Variants in PTH1R observed in about 807,000 individuals in gnomAD.
The protein encoded by PTH1R is parathyroid hormone 1 receptor.
PTH1R carries 32 observed loss-of-function variants against 70.7 expected under a neutral mutation model. The ratio of observed to expected loss-of-function variants is 0.45; its 90% CI spans 0.34 to 0.61. The LOEUF (loss-of-function observed/expected upper bound fraction) is 0.61, where lower values mean the gene tolerates loss of function less well. Ranked by LOEUF, PTH1R falls within the 20% of genes least tolerant of loss-of-function variation. PTH1R has a pLI of 0.01. For synonymous variants in PTH1R, 329 were observed against 324.8 expected (o/e 1.01, Z -0.14); for missense variants, 626 against 792.5 (o/e 0.79, Z 2.52).
Position 46,899,425 on chromosome 3 carries a change from G to T in PTH1R, c.957G>T (p.Lys319Asn), listed in dbSNP as rs749033715. 1 of 1,613,332 alleles carries T rather than the reference G, an allele frequency of 6.2e-7. No individual in the cohort carries two copies. The highest frequency in any genetic ancestry group is 2.2e-5 in the East Asian group (1 of 44,880). Residue 319 changes from lysine (K) to asparagine (N), a missense_variant, in exon 10 of 16, where the codon AAG (lysine) becomes AAT (asparagine). Transcript: ENST00000449590. Reference sequence around the variant, plus strand: ...TCATGGCCTTCTTCTCAGAGAAGAAGTACCTGTGGGGCTTCACAGTCTTCG... The same window carrying T: ...TCATGGCCTTCTTCTCAGAGAAGAATTACCTGTGGGGCTTCACAGTCTTCG... ...LIFMAFFSEK[K>N]YLWGFTVFGW...
At chr3:46,898,615 C>T in intron 8 of PTH1R, 47 bp from the exon 9 acceptor site, 1 of 1,607,454 alleles carries the variant, frequency 6.2e-7, no homozygotes, top group Non-Finnish European at 8.5e-7. Flanking sequence ...GTCCACCCAC[C>T]GCGCGTCCCC....
rs2031905719 is a variant in PTH1R at position 46,898,545 on chromosome 3, C to T, written c.638+73C>T. ...GGTGGCCGAGGTCTGATGCGACCCC[C>T]TCCCTGCACCCATCACCCCCGGCGG... is the stretch of plus-strand genomic sequence containing the variant. On this transcript the variant is annotated intron_variant, in intron 8 of 15. Transcript: ENST00000449590. The T allele has an allele frequency of 4.4e-6, 7 of 1,598,606 alleles. No individual in the cohort carries two copies. The Admixed American group carries it at 8.4e-5, about 19-fold the overall frequency.
At chr3:46,880,191 C>T (rs1425182917) in intron 1 of PTH1R, 1 of 152,236 alleles carries the variant, frequency 6.6e-6, no homozygotes, top group Non-Finnish European at 1.5e-5. Flanking sequence ...ACCTCCCTCC[C>T]CAGTAACGGA....
rs557829372 is a variant in PTH1R at position 46,902,855 on chromosome 3, C to G, written c.1395+65C>G. 6.3e-7 allele frequency: 1 copy of G among 1,587,444 alleles called. No homozygotes were observed. Among genetic ancestry groups the G allele is most frequent in the African/African-American group, 1.3e-5 (1 of 74,408 alleles). On this transcript the variant is annotated intron_variant, in intron 15 of 15. Transcript: ENST00000449590. The surrounding 1 kb of genome is among the most constrained non-coding windows in gnomAD (Gnocchi z 5.4). The stretch of plus-strand genomic sequence containing the variant: ...AGATACCCCAGAGGCTTCCTCAAGG[C>G]TCATTTCTCCATTCTTCCACCCTGT...
chr3:46,901,229 C>T lies in PTH1R; in HGVS notation c.1049+144C>T. The T allele has an allele frequency of 7.7e-7, 1 of 1,303,490 alleles. No individual in the cohort carries two copies. The highest frequency in any genetic ancestry group is 1.1e-6 in the Non-Finnish European group (1 of 927,412). The allele number at this position is 1,303,490 out of a possible 1,614,324, so 80.7% of individuals were successfully genotyped here. A position where few individuals can be genotyped will look rare whatever the true frequency, so the allele number is the denominator to read the frequency against. On this transcript the variant is annotated intron_variant, in intron 11 of 15. Transcript: ENST00000449590. The surrounding 1 kb of genome is among the most constrained non-coding windows in gnomAD (Gnocchi z 7.3). ...TCAGTCCAGCCTCAAGCCAGGAGCA[C>T]CCTCAGGGTCACAGGAGGCTACTTC...
chr3:46,887,632 C>A (rs774862032), intron 3 of PTH1R, among the ~76,000 whole-genome samples: 1 of 152,092 alleles, frequency 6.6e-6, no homozygotes, highest in Non-Finnish European at 1.5e-5. Context: ...TCTTTGTGTA[C>A]ATATCAAGTA....
rs1242940936 is a variant in PTH1R, at chr3:46,892,904, G to C, written c.76-1003G>C. 2 of 727,136 alleles carry C rather than the reference G, an allele frequency of 2.8e-6. No homozygotes were observed. Among genetic ancestry groups the C allele is most frequent in the African/African-American group, 3.8e-5 (2 of 52,528 alleles). The allele number at this position is 727,136 out of a possible 1,614,324, so 45.0% of individuals were successfully genotyped here. ...CCTGAATTAAGAGGGATGGGGCTGAGGGCTTCACAGCCCCGCCCTGGGGAG... is the reference window on the plus strand; with the variant it reads ...CCTGAATTAAGAGGGATGGGGCTGACGGCTTCACAGCCCCGCCCTGGGGAG... On this transcript the variant is annotated intron_variant, in intron 3 of 15. Coordinates refer to ENST00000449590, the MANE Select transcript of PTH1R (RefSeq NM_000316.3). This position sits in a 1 kb window ranked among gnomAD's most constrained non-coding sequence, Gnocchi z 5.2.
In PTH1R at chr3:46,892,970, G is replaced by A. The variant is rs1408651617; in HGVS notation, c.76-937G>A. Among the ~76,000 whole-genome samples the A allele has an allele frequency of 6.6e-6, 1 of 152,200 alleles. No homozygotes were observed. The highest frequency in any genetic ancestry group is 1.5e-5 in the Non-Finnish European group (1 of 68,034). ...TTAACCTCTGCGGGTCACATTCACGGGAATGGCTGGGCTAGGCACACCAGG... is the reference window on the plus strand; with the variant it reads ...TTAACCTCTGCGGGTCACATTCACGAGAATGGCTGGGCTAGGCACACCAGG... On this transcript the variant is annotated intron_variant, in intron 3 of 15. Coordinates refer to ENST00000449590, the MANE Select transcript of PTH1R (RefSeq NM_000316.3). The surrounding 1 kb of genome is among the most constrained non-coding windows in gnomAD (Gnocchi z 5.2).
chr3:46,890,484 T>C (rs2031345122), intron 3 of PTH1R, among the ~76,000 whole-genome samples: 1 of 147,054 alleles, frequency 6.8e-6, no homozygotes, highest in Admixed American at 6.7e-5. Flanking sequence ...CTTCATTTAA[T>C]CTTCACAGCA....
intron 5 of PTH1R, 85 bp from the exon 6 acceptor site, chr3:46,897,770 C>T: frequency 2.5e-6 from 3 of 1,224,242 alleles, no homozygotes; most frequent in Admixed American, 1.7e-5. Flanking sequence ...ACAAACAAAC[C>T]ACAGATGTAT....
At position 46,883,360 on chromosome 3, in the gene PTH1R, T is replaced by TGCTG. The variant is rs1477214512; in HGVS notation, c.-48-149_-48-148insGGCT. ...CCCTCCCTCCCTCCCTCCTTTGCGC[T>TGCTG]GCTCGCTCGCTCGCTCGCTCGCTCG... On this transcript the variant is annotated intron_variant, in intron 2 of 15. Transcript: ENST00000449590. The surrounding 1 kb of genome is among the most constrained non-coding windows in gnomAD (Gnocchi z 6.4). The TGCTG allele has an allele frequency of 2.1e-5, 3 of 140,898 alleles. No homozygotes were observed. Among genetic ancestry groups the TGCTG allele is most frequent in the African/African-American group, 7.8e-5 (3 of 38,616 alleles). 8.7% of individuals were successfully genotyped at this position (140,898 alleles called of 1,614,324 possible).
chr3:46,895,855 G>A lies in PTH1R; in HGVS notation c.299G>A (p.Gly100Asp), dbSNP rs41290646. 3,359 of 1,613,322 alleles carry A rather than the reference G, an allele frequency of 2.1e-3. 15 individuals carry two copies. Among genetic ancestry groups the A allele is most frequent in the Non-Finnish European group, 2.6e-3 (3,026 of 1,179,964 alleles). ...GAGGAGGACAAGGAGGCACCCACTG[G>A]CAGCAGGTACCGAGGTACGTCTCTG... ...ESEEDKEAPT[G>D]SRYRGRPCLP... The change falls in exon 5 of 16, where the codon GGC becomes GAC. Residue 100 changes from glycine to aspartate, a missense_variant. By Grantham distance (94) the Gly-to-Asp change is moderately conservative. Coordinates refer to ENST00000449590, the MANE Select transcript of PTH1R (RefSeq NM_000316.3).
rs1357590464 is a variant in PTH1R, at chr3:46,898,435, T to G, written c.601T>G (p.Ser201Ala). ...CGTGGGCTACTCCGTGTCCCTGGCG[T>G]CCCTCACCGTAGCTGTGCTCATCCT... is the stretch of plus-strand genomic sequence containing the variant. Reference protein sequence around the residue: ...YTVGYSVSLASLTVAVLILAY... With the variant: ...YTVGYSVSLAALTVAVLILAY... The change falls in exon 8 of 16, where the codon TCC becomes GCC. Residue 201 changes from serine (S) to alanine (A), a missense_variant. By Grantham distance (99) the Ser-to-Ala change is moderately conservative. This residue lies in a region of PTH1R where 495 missense variants were observed against 638.7 expected (regional missense o/e 0.77). Transcript: ENST00000449590. The G allele has an allele frequency of 1.2e-6, 2 of 1,613,650 alleles. No homozygotes were observed. The highest frequency in any genetic ancestry group is 4.5e-5 in the East Asian group (2 of 44,828).
chr3:46,901,080 C>G lies in PTH1R; in HGVS notation c.1044C>G (p.Asn348Lys). Residue 348 changes from asparagine to lysine, a missense_variant, in exon 11 of 16, where the codon AAC (asparagine) becomes AAG (lysine). By Grantham distance (94) the Asn-to-Lys change is moderately conservative. Around this residue, in one of 3 missense-constraint regions of PTH1R, gnomAD observed 495 missense variants for 638.7 expected, o/e 0.77. Transcript: ENST00000449590. This position sits in a 1 kb window ranked among gnomAD's most constrained non-coding sequence, Gnocchi z 7.3. ...TCAGTGTCAGAGCTACCCTGGCCAA[C>G]ACCGGGTAGGTCCAGGTGGAGAAGG... ...VWVSVRATLA[N>K]TGCWDLSSGN... is the part of the protein sequence containing the mutation. The G allele has an allele frequency of 6.3e-7, 1 of 1,577,270 alleles. No homozygotes were observed. The highest frequency in any genetic ancestry group is 1.2e-5 in the South Asian group (1 of 86,118).
intron 1 of PTH1R, chr3:46,880,136 G>A (rs1454693171): frequency 2.6e-5 from 4 of 152,224 alleles, no homozygotes; most frequent in Non-Finnish European, 5.9e-5. Context: ...CTGGGCCTCC[G>A]TCCCAAGGAG....
At chr3:46,888,380 G>C (rs4683302) in intron 3 of PTH1R, among the ~76,000 whole-genome samples, 102,424 of 152,180 alleles carry the variant, frequency 0.67, 34,639 homozygotes, top group East Asian at 0.78. Context: ...CGAGCCCTCC[G>C]AGGAACTGGG....
In PTH1R at chr3:46,902,492, G is replaced by T; in HGVS notation, c.1212-34G>T. 6.2e-7 allele frequency: 1 copy of T among 1,605,558 alleles called. No homozygotes were observed. Among genetic ancestry groups the T allele is most frequent in the South Asian group, 1.1e-5 (1 of 89,864 alleles). ...CACAATGCTTGTTGAAGGGGAAGTG[G>T]CTTGGCCCTGACCTACCTGCCCCGC... is the stretch of plus-strand genomic sequence containing the variant. On this transcript the variant is annotated intron_variant, in intron 13 of 15. Coordinates refer to ENST00000449590, the MANE Select transcript of PTH1R (RefSeq NM_000316.3). The surrounding 1 kb of genome is among the most constrained non-coding windows in gnomAD (Gnocchi z 5.4).
chr3:46,898,735 T>A lies in PTH1R; in HGVS notation c.712T>A (p.Phe238Ile). ...CTTCATGCTGCGCGCCGTGAGCATC[T>A]TCGTCAAGGACGCTGTGCTCTACTC... ...LSFMLRAVSI[F>I]VKDAVLYSGA... The change falls in exon 9 of 16, where the codon TTC (phenylalanine) becomes ATC (isoleucine). Residue 238 changes from phenylalanine (F) to isoleucine (I), a missense_variant. Transcript: ENST00000449590. 1 of 1,610,610 alleles carries A rather than the reference T, an allele frequency of 6.2e-7. No individual in the cohort carries two copies. Among genetic ancestry groups the A allele is most frequent in the Non-Finnish European group, 8.5e-7 (1 of 1,179,488 alleles).
rs573461984 is a variant in PTH1R at position 46,879,151 on chromosome 3, CTG to C, written c.-106+1309_-106+1310del. ...GCTGTGGAATGTCCAGCAGGGGACTCTGGGGTGAGGCACATGAGTTATGGCAG... is the reference window on the plus strand; with the variant it reads ...GCTGTGGAATGTCCAGCAGGGGACTCGGGTGAGGCACATGAGTTATGGCAG... On this transcript the variant is annotated intron_variant, in intron 1 of 15. Transcript: ENST00000449590. This position sits in a 1 kb window ranked among gnomAD's most constrained non-coding sequence, Gnocchi z 4.7. 4.2e-4 allele frequency among the ~76,000 whole-genome samples: 64 copies of C among 152,288 alleles called. No individual in the cohort carries two copies. Among genetic ancestry groups the C allele is most frequent in the African/African-American group, 1.5e-3 (61 of 41,560 alleles).
Sources: allele counts gnomAD v4.1 joint callset (sites outside exome capture counted in the v4.1 genomes callset), GRCh38; gene constraint gnomAD v4.1.1; regional missense constraint gnomAD v4.1.1; non-coding constraint Gnocchi (gnomAD v3.1); transcripts MANE v1.5; gene names NCBI Gene and HGNC (gene_info 2026-07-23, HGNC 2026-07-21).